Variants in MIPEP observed in about 807,000 individuals in gnomAD.
MIPEP encodes the protein mitochondrial intermediate peptidase.
MIPEP carries 79 observed loss-of-function variants against 90.3 expected under a neutral mutation model. That is an observed-to-expected ratio of 0.87 (90% CI 0.73 to 1.05). The LOEUF (loss-of-function observed/expected upper bound fraction) is 1.05, where lower values mean the gene tolerates loss of function less well. Among genes scored for constraint, MIPEP ranks in the 50% least tolerant of loss-of-function variants. MIPEP has a pLI of 0.00. For missense variants in MIPEP, 940 were observed against 905.6 expected (o/e 1.04, Z -0.49); for synonymous variants, 334 against 315.8 (o/e 1.06, Z -0.61).
In MIPEP at chr13:23,809,846, A is replaced by G; in HGVS notation, c.1728+4T>C. The G allele has an allele frequency of 6.2e-7, 1 of 1,602,440 alleles. No individual in the cohort carries two copies. Among genetic ancestry groups the G allele is most frequent in the Non-Finnish European group, 8.5e-7 (1 of 1,169,802 alleles). On this transcript the variant is annotated splice_donor_region_variant and intron_variant, in intron 15 of 18. Transcript: ENST00000382172. ...AAAACTTCAGAACAAAGGTACATAC[A>G]TACCTGAAGTTGCATATCAGCTGCA...
chr13:23,832,386 T>A (rs899169323), intron 14 of MIPEP, among the ~76,000 whole-genome samples: 2 of 152,172 alleles, frequency 1.3e-5, no homozygotes, highest in Non-Finnish European at 2.9e-5. Flanking sequence ...TTAGAAATTA[T>A]CCATTTTCAG....
intron 5 of MIPEP, among the ~76,000 whole-genome samples, chr13:23,874,145 A>G (rs1292240911): frequency 2.0e-5 from 3 of 152,192 alleles, no homozygotes; most frequent in Non-Finnish European, 2.9e-5. Context: ...AAAAGCCATA[A>G]TAGTCTAGAC....
intron 16 of MIPEP, among the ~76,000 whole-genome samples, chr13:23,791,898 A>G (rs7321079): frequency 0.99 from 151,135 of 152,274 alleles, 75,024 homozygotes; most frequent in East Asian, 1. Flanking sequence ...TTCTTATCCA[A>G]GTCAATAACG....
chr13:23,745,148 T>C (rs1221574313), intron 18 of MIPEP, among the ~76,000 whole-genome samples: 3 of 152,182 alleles, frequency 2.0e-5, no homozygotes, highest in Non-Finnish European at 4.4e-5. Flanking sequence ...GATAATGCTA[T>C]TCAGATATTT....
chr13:23,751,911 T>C (rs1348438077), intron 18 of MIPEP, among the ~76,000 whole-genome samples: 3 of 145,348 alleles, frequency 2.1e-5, no homozygotes, highest in Non-Finnish European at 4.6e-5. Context: ...TGAGAATAGA[T>C]AGGTTGCGAC....
At chr13:23,869,887 A>G (rs879833250) in intron 6 of MIPEP, 126 bp downstream of exon 6, 29 of 603,724 alleles carry the variant, frequency 4.8e-5, no homozygotes, top group Admixed American at 1.1e-4. Flanking sequence ...CACAAGTTAA[A>G]TTTTTAGGGC....
chr13:23,789,112 T>C (rs1345650738), intron 16 of MIPEP, among the ~76,000 whole-genome samples: 1 of 152,222 alleles, frequency 6.6e-6, no homozygotes, highest in Admixed American at 6.5e-5. Context: ...CTGGCCAATG[T>C]TGGGATTTTT....
chr13:23,741,434 A>G (rs1393388092), intron 18 of MIPEP, among the ~76,000 whole-genome samples: 1 of 152,242 alleles, frequency 6.6e-6, no homozygotes, highest in Non-Finnish European at 1.5e-5. Context: ...ATGCCCATCA[A>G]TGACAGACTG....
intron 17 of MIPEP, among the ~76,000 whole-genome samples, chr13:23,757,483 T>A (rs1023745184): frequency 6.6e-6 from 1 of 152,202 alleles, no homozygotes; most frequent in African/African-American, 2.4e-5. Context: ...GTTTTGTGAT[T>A]ATTTTAAATG....
intron 16 of MIPEP, among the ~76,000 whole-genome samples, chr13:23,781,995 C>T (rs1952787823): frequency 6.6e-6 from 1 of 152,114 alleles, no homozygotes; most frequent in Admixed American, 6.5e-5. Flanking sequence ...GACTCCCACA[C>T]AATAATAATG....
intron 14 of MIPEP, among the ~76,000 whole-genome samples, chr13:23,823,201 C>A (rs1338885962): frequency 6.6e-6 from 1 of 152,094 alleles, no homozygotes; most frequent in African/African-American, 2.4e-5. Flanking sequence ...GTGTGAAAGA[C>A]GAAGGCTTGG....
chr13:23,783,763 C>A (rs559158370), intron 16 of MIPEP, among the ~76,000 whole-genome samples: 1 of 152,292 alleles, frequency 6.6e-6, no homozygotes, highest in African/African-American at 2.4e-5. Flanking sequence ...TCTCAGGATA[C>A]AAAATCAATG....
At chr13:23,832,609 C>G (rs1240195841) in intron 14 of MIPEP, among the ~76,000 whole-genome samples, 1 of 152,052 alleles carries the variant, frequency 6.6e-6, no homozygotes. Context: ...GAAGAAGTTA[C>G]GCGGAAGGTA....
At chr13:23,769,934 G>C (rs768874020) in intron 16 of MIPEP, among the ~76,000 whole-genome samples, 12 of 152,120 alleles carry the variant, frequency 7.9e-5, no homozygotes, top group Non-Finnish European at 1.6e-4. Flanking sequence ...TAGCCCATGA[G>C]CACACTCAGC....
chr13:23,858,833 T>C lies in MIPEP; in HGVS notation c.1106+27A>G, dbSNP rs372343825. On this transcript the variant is annotated intron_variant, in intron 10 of 18. Transcript: ENST00000382172. The stretch of plus-strand genomic sequence containing the variant: ...ACATTAGTTTCCTTTTTCCTTTTCC[T>C]GTACGGGTATTTCTTGAAAAACTTA... 93 of 1,605,572 alleles carry C rather than the reference T, an allele frequency of 5.8e-5. No individual in the cohort carries two copies. In the African/African-American group the frequency reaches 9.6e-4, roughly 17 times the overall value.
At chr13:23,801,364 C>CA (rs1455403181) in intron 16 of MIPEP, among the ~76,000 whole-genome samples, 2 of 152,232 alleles carry the variant, frequency 1.3e-5, no homozygotes, top group Non-Finnish European at 2.9e-5. Flanking sequence ...TCCCCACAGT[C>CA]AGTGTCCTAG....
Position 23,874,971 on chromosome 13 carries a change from GGT to G in MIPEP, c.540-64_540-63del, listed in dbSNP as rs1491321180. On this transcript the variant is annotated intron_variant, in intron 4 of 18. Transcript: ENST00000382172. ...TAAAAATTGCTAACAAAAAAATTGTGGTTTTTTGTTAAATAAATAAGTCTTTT... is the reference window on the plus strand; with the variant it reads ...TAAAAATTGCTAACAAAAAAATTGTGTTTTTGTTAAATAAATAAGTCTTTT... 3 of 1,450,792 alleles carry G rather than the reference GGT, an allele frequency of 2.1e-6. No homozygotes were observed. The Admixed American group carries it at 7.2e-5, about 35-fold the overall frequency. The allele number at this position is 1,450,792 out of a possible 1,614,324, so 89.9% of individuals were successfully genotyped here. A position where few individuals can be genotyped will look rare whatever the true frequency, so the allele number is the denominator to read the frequency against.
At chr13:23,744,343 C>G (rs1025097403) in intron 18 of MIPEP, among the ~76,000 whole-genome samples, 1 of 152,136 alleles carries the variant, frequency 6.6e-6, no homozygotes, top group African/African-American at 2.4e-5. Flanking sequence ...CCCAACAAGG[C>G]AACTCAGTTG....
chr13:23,797,268 T>C (rs780573692), intron 16 of MIPEP, among the ~76,000 whole-genome samples: 3 of 152,096 alleles, frequency 2.0e-5, no homozygotes, highest in South Asian at 2.1e-4. Context: ...GTACCTTCAC[T>C]AGACTAATGA....
Sources: allele counts gnomAD v4.1 joint callset (sites outside exome capture counted in the v4.1 genomes callset), GRCh38; gene constraint gnomAD v4.1.1; transcripts MANE v1.5; gene names NCBI Gene and HGNC (gene_info 2026-07-23, HGNC 2026-07-21).